QTGAL: variants seen among roughly 807,000 people sequenced by gnomAD.
QTGAL encodes the protein BGnT-like protein 1.
At chr17:83,009,267 CA>C in the QTGAL span, among the ~76,000 whole-genome samples, 2 of 151,814 alleles carry the variant, frequency 1.3e-5, no homozygotes, top group Non-Finnish European at 1.5e-5. Context: ...ACTAAAAATA[CA>C]AAAAAATTAG....
the QTGAL span, among the ~76,000 whole-genome samples, chr17:83,019,026 C>T: frequency 6.6e-6 from 1 of 152,202 alleles, no homozygotes; most frequent in African/African-American, 2.4e-5. Flanking sequence ...GCCGAGAGGT[C>T]TGGGTCCCAG....
chr17:83,050,508 T>C, the QTGAL span, among the ~76,000 whole-genome samples: 8 of 152,188 alleles, frequency 5.3e-5, no homozygotes, highest in African/African-American at 1.7e-4. Context: ...CTATCAAAGA[T>C]AGACCTTGAT....
chr17:82,988,034 T>C, the QTGAL span, among the ~76,000 whole-genome samples: 17 of 152,216 alleles, frequency 1.1e-4, no homozygotes, highest in Non-Finnish European at 2.4e-4. Context: ...TTTGTAGCAA[T>C]TGTGAATGGA....
chr17:83,023,297 A>G, the QTGAL span, among the ~76,000 whole-genome samples: 105 of 91,194 alleles, frequency 1.2e-3, no homozygotes, highest in African/African-American at 2.4e-3. Flanking sequence ...GTGAACTCAC[A>G]TGAGCTTAGC....
chr17:82,942,391 G>A, the QTGAL span: 2 of 1,612,104 alleles, frequency 1.2e-6, no homozygotes, highest in East Asian at 2.2e-5. Flanking sequence ...GGGTCCCCTG[G>A]CTGGGAATGG....
the QTGAL span, among the ~76,000 whole-genome samples, chr17:83,027,001 C>T: frequency 6.7e-6 from 1 of 149,160 alleles, no homozygotes; most frequent in Non-Finnish European, 1.5e-5. Context: ...TCGACAGACA[C>T]ACAGAGCGGG....
chr17:82,964,255 CAAAAA>C, the QTGAL span, among the ~76,000 whole-genome samples: 1 of 72,464 alleles, frequency 1.4e-5, no homozygotes, highest in Non-Finnish European at 2.4e-5. Context: ...GACCCTGTCT[CAAAAA>C]AAAAAAAAAA....
At chr17:83,028,867 T>C in the QTGAL span, among the ~76,000 whole-genome samples, 1 of 152,106 alleles carries the variant, frequency 6.6e-6, no homozygotes, top group Non-Finnish European at 1.5e-5. Context: ...ATCGAAACAA[T>C]CTCGGTGCAG....
chr17:83,017,173 T>G, the QTGAL span, among the ~76,000 whole-genome samples: 1 of 151,694 alleles, frequency 6.6e-6, no homozygotes, highest in Non-Finnish European at 1.5e-5. Flanking sequence ...AGGATGGCGC[T>G]CAGCAGAGGC....
the QTGAL span, among the ~76,000 whole-genome samples, chr17:82,971,474 C>T: frequency 6.6e-5 from 10 of 152,048 alleles, no homozygotes; most frequent in Non-Finnish European, 4.4e-5. Flanking sequence ...GCCAGCCACG[C>T]GCCGTCTCCT....
At chr17:83,019,337 T>C in the QTGAL span, among the ~76,000 whole-genome samples, 57 of 152,146 alleles carry the variant, frequency 3.7e-4, no homozygotes, top group East Asian at 5.8e-3. Context: ...ACAGACAAAA[T>C]ATCAGAAAAC....
chr17:83,021,350 T>A, the QTGAL span, among the ~76,000 whole-genome samples: 8 of 151,550 alleles, frequency 5.3e-5, no homozygotes, highest in African/African-American at 1.9e-4. Flanking sequence ...AAAAAAAAAC[T>A]CTACTAGAAT....
the QTGAL span, among the ~76,000 whole-genome samples, chr17:82,978,294 C>A: frequency 6.6e-6 from 1 of 152,112 alleles, no homozygotes; most frequent in Non-Finnish European, 1.5e-5. The surrounding 1 kb of genome is among the most constrained non-coding windows in gnomAD (Gnocchi z 4.8). Flanking sequence ...TAGGGACTGG[C>A]TCCAGCAAAG....
chr17:82,952,287 C>T, the QTGAL span, among the ~76,000 whole-genome samples: 2 of 152,136 alleles, frequency 1.3e-5, no homozygotes, highest in Non-Finnish European at 2.9e-5. Flanking sequence ...GTCACAGGTG[C>T]CCATGTCTGT....
chr17:82,950,311 T>C, the QTGAL span, among the ~76,000 whole-genome samples: 1 of 150,448 alleles, frequency 6.6e-6, no homozygotes, highest in South Asian at 2.1e-4. Flanking sequence ...CCCAAGATAG[T>C]AGTGACACCA....
chr17:82,970,444 C>G, the QTGAL span, among the ~76,000 whole-genome samples: 1 of 152,262 alleles, frequency 6.6e-6, no homozygotes. Flanking sequence ...CAGGTTGACT[C>G]TGCAGCCAGA....
the QTGAL span, among the ~76,000 whole-genome samples, chr17:82,983,876 G>A: frequency 6.6e-6 from 1 of 152,246 alleles, no homozygotes; most frequent in East Asian, 1.9e-4. Flanking sequence ...AAGGTTACGT[G>A]AGTCCCAAAG....
At chr17:83,010,138 G>A in the QTGAL span, among the ~76,000 whole-genome samples, 1 of 151,718 alleles carries the variant, frequency 6.6e-6, no homozygotes, top group Non-Finnish European at 1.5e-5. Context: ...GTGGGGTGCT[G>A]TGGGCAGCCA....
chr17:83,001,725 G>T, the QTGAL span, among the ~76,000 whole-genome samples: 1 of 151,944 alleles, frequency 6.6e-6, no homozygotes, highest in Non-Finnish European at 1.5e-5. Flanking sequence ...TTTTTATATT[G>T]CTTGACTTTA....
Sources: allele counts gnomAD v4.1 joint callset (sites outside exome capture counted in the v4.1 genomes callset), GRCh38; gene constraint gnomAD v4.1.1; non-coding constraint Gnocchi (gnomAD v3.1); transcripts MANE v1.5; gene names NCBI Gene and HGNC (gene_info 2026-07-23, HGNC 2026-07-21).